Variants in CD59 observed in about 807,000 individuals in gnomAD.
CD59 encodes CD59 molecule (CD59 blood group).
A neutral mutation model predicts 7.0 loss-of-function variants in CD59; 3 were observed. The ratio of observed to expected loss-of-function variants is 0.43; its 90% CI spans 0.19 to 1.10. CD59 has a LOEUF of 1.10. Among genes scored for constraint, CD59 ranks in the 50% least tolerant of loss-of-function variants. CD59 has a pLI of 0.29. For missense variants in CD59, 143 were observed against 151.0 expected (o/e 0.95, Z 0.28); for synonymous variants, 60 against 62.0 (o/e 0.97, Z 0.15).
chr11:33,708,238 A>G lies in CD59; in HGVS notation c.*1888T>C, dbSNP rs1853392404. ...AACCCCAAAGTTTAAGGCCATTTATATGACCCTTGTTGATTTGGACAGCTT... is the reference window on the plus strand; with the variant it reads ...AACCCCAAAGTTTAAGGCCATTTATGTGACCCTTGTTGATTTGGACAGCTT... On this transcript the variant is annotated 3_prime_UTR_variant, in exon 4 of 4. Coordinates refer to ENST00000642928, the MANE Select transcript of CD59 (RefSeq NM_000611.6). 1 of 152,200 alleles carries G rather than the reference A, an allele frequency of 6.6e-6. No homozygotes were observed. The highest frequency in any genetic ancestry group is 1.5e-5 in the Non-Finnish European group (1 of 68,052). The allele number at this position is 152,200 out of a possible 1,614,324, so 9.4% of individuals were successfully genotyped here.
chr11:33,729,957 A>C (rs539276268), intron 1 of CD59, among the ~76,000 whole-genome samples: 3 of 152,250 alleles, frequency 2.0e-5, no homozygotes, highest in Admixed American at 6.5e-5. Flanking sequence ...TTTTTCTGAA[A>C]ATATATTGGA....
At chr11:33,720,485 G>A (rs1854005559) in intron 2 of CD59, among the ~76,000 whole-genome samples, 1 of 152,154 alleles carries the variant, frequency 6.6e-6, no homozygotes, top group Non-Finnish European at 1.5e-5. Context: ...GATCATTTGA[G>A]GTCAGGAATT....
chr11:33,724,752 G>A (rs1440856441), intron 1 of CD59, among the ~76,000 whole-genome samples: 1 of 152,136 alleles, frequency 6.6e-6, no homozygotes, highest in Non-Finnish European at 1.5e-5. Context: ...TGGGATGGTT[G>A]GGGAGTGTCA....
At chr11:33,722,329 G>T in intron 2 of CD59, 50 bp downstream of exon 2, 1 of 1,375,724 alleles carries the variant, frequency 7.3e-7, no homozygotes, top group Non-Finnish European at 1.0e-6. Flanking sequence ...TAAGAAGGGA[G>T]TTCATGGCCA....
In CD59 at chr11:33,704,840, GTTGT is replaced by G. The variant is rs1853245323; in HGVS notation, c.*5282_*5285del. 1 of 152,564 alleles carries G rather than the reference GTTGT, an allele frequency of 6.6e-6. No homozygotes were observed. Among genetic ancestry groups the G allele is most frequent in the South Asian group, 2.1e-4 (1 of 4,830 alleles). 9.5% of individuals were successfully genotyped at this position (152,564 alleles called of 1,614,324 possible). On this transcript the variant is annotated 3_prime_UTR_variant, in exon 4 of 4. Coordinates refer to ENST00000642928, the MANE Select transcript of CD59 (RefSeq NM_000611.6). ...GGCAGGAGGCTGGCTCTGACAGGAGGTTGTTTGTGCCACAATTTAAGGACCAAGC... is the reference window on the plus strand; with the variant it reads ...GGCAGGAGGCTGGCTCTGACAGGAGGTTGTGCCACAATTTAAGGACCAAGC...
rs1478657848 is a variant in CD59, at chr11:33,717,367, T to C, written c.169+3A>G. The C allele has an allele frequency of 6.2e-7, 1 of 1,601,688 alleles. No individual in the cohort carries two copies. Among genetic ancestry groups the C allele is most frequent in the African/African-American group, 1.3e-5 (1 of 74,752 alleles). On this transcript the variant is annotated splice_donor_region_variant and intron_variant, in intron 3 of 3. Coordinates refer to ENST00000642928, the MANE Select transcript of CD59 (RefSeq NM_000611.6). ...TTAGGAGACAGACAGGGGAGGCTCT[T>C]ACCAGCTTTGGTAATGAGACACGCA...
In CD59 at chr11:33,714,970, G is replaced by A. The variant is rs539653115; in HGVS notation, c.169+2400C>T. On this transcript the variant is annotated intron_variant, in intron 3 of 3. Transcript: ENST00000642928. Reference sequence around the variant, plus strand: ...TTTTTTTTTCTTTTGTAGAGACAGAGTCTTGTTCTGTCACCCAGGCTAGAG... The same window carrying A: ...TTTTTTTTTCTTTTGTAGAGACAGAATCTTGTTCTGTCACCCAGGCTAGAG... 6.7e-5 allele frequency among the ~76,000 whole-genome samples: 10 copies of A among 148,552 alleles called. No individual in the cohort carries two copies. In the South Asian group the frequency reaches 1.5e-3, roughly 22 times the overall value.
Position 33,707,731 on chromosome 11 carries a change from G to A in CD59, c.*2395C>T, listed in dbSNP as rs772246504. The A allele has an allele frequency of 2.0e-5, 3 of 152,236 alleles. No homozygotes were observed. The highest frequency in any genetic ancestry group is 4.8e-5 in the African/African-American group (2 of 41,432). The allele number at this position is 152,236 out of a possible 1,614,324, so 9.4% of individuals were successfully genotyped here. A position where few individuals can be genotyped will look rare whatever the true frequency, so the allele number is the denominator to read the frequency against. ...CCTCTTCGTTGATCAGGGTCAGTTG[G>A]AGGATGTAGCTGTCGGCCTGGTAGC... On this transcript the variant is annotated 3_prime_UTR_variant, in exon 4 of 4. Transcript: ENST00000642928.
At chr11:33,735,997 T>C (rs1439813862) in intron 1 of CD59, among the ~76,000 whole-genome samples, 4 of 151,964 alleles carry the variant, frequency 2.6e-5, no homozygotes, top group African/African-American at 9.7e-5. Flanking sequence ...GGAACTGCCG[T>C]GACCACGGAG....
intron 3 of CD59, 125 bp from the exon 4 acceptor site, chr11:33,710,468 C>T: frequency 2.6e-6 from 2 of 771,474 alleles, no homozygotes; most frequent in Non-Finnish European, 4.6e-6. Flanking sequence ...GATGCTCATC[C>T]CAGGTGGGTT....
chr11:33,716,574 C>G (rs58412081), intron 3 of CD59, among the ~76,000 whole-genome samples: 3,401 of 152,318 alleles, frequency 0.022, 142 homozygotes, highest in African/African-American at 0.078. Context: ...GAACCACACC[C>G]CAGCAAGAAC....
chr11:33,727,197 C>T (rs189924030), intron 1 of CD59, among the ~76,000 whole-genome samples: 62 of 152,190 alleles, frequency 4.1e-4, no homozygotes, highest in African/African-American at 1.4e-3. Context: ...ATCTTGACAC[C>T]GAAACCTGGC....
chr11:33,722,216 A>G (rs1250301378), intron 2 of CD59, among the ~76,000 whole-genome samples, 163 bp downstream of exon 2: 1 of 152,216 alleles, frequency 6.6e-6, no homozygotes, highest in Non-Finnish European at 1.5e-5. Flanking sequence ...GGACAAGGTC[A>G]TAACATAGGA....
chr11:33,733,981 T>C (rs1854491749), intron 1 of CD59, among the ~76,000 whole-genome samples: 1 of 152,256 alleles, frequency 6.6e-6, no homozygotes, highest in African/African-American at 2.4e-5. Flanking sequence ...GGGATGAAAT[T>C]ACCTGTCCCA....
At chr11:33,713,669 A>G (rs901894838) in intron 3 of CD59, among the ~76,000 whole-genome samples, 5 of 152,224 alleles carry the variant, frequency 3.3e-5, no homozygotes, top group African/African-American at 7.2e-5. Context: ...AGCTATCAGA[A>G]TTTTAATTAG....
intron 1 of CD59, chr11:33,722,720 A>T: frequency 7.9e-7 from 1 of 1,268,574 alleles, no homozygotes; most frequent in Non-Finnish European, 1.0e-6. Flanking sequence ...AGGGTCAGTG[A>T]GTCAAATGAC....
In CD59 at chr11:33,709,451, T is replaced by A. The variant is rs560083033; in HGVS notation, c.*675A>T. 54 of 157,952 alleles carry A rather than the reference T, an allele frequency of 3.4e-4. No homozygotes were observed. Among genetic ancestry groups the A allele is most frequent in the African/African-American group, 1.2e-3 (50 of 41,600 alleles). The allele number at this position is 157,952 out of a possible 1,614,324, so 9.8% of individuals were successfully genotyped here. A position where few individuals can be genotyped will look rare whatever the true frequency, so the allele number is the denominator to read the frequency against. ...GCAAGGAAATAGCTTTAACACACCATTGATGTATGCTATTACACTTTTCCA... is the reference window on the plus strand; with the variant it reads ...GCAAGGAAATAGCTTTAACACACCAATGATGTATGCTATTACACTTTTCCA... On this transcript the variant is annotated 3_prime_UTR_variant, in exon 4 of 4. Coordinates refer to ENST00000642928, the MANE Select transcript of CD59 (RefSeq NM_000611.6).
At chr11:33,734,430 C>A (rs1854505671) in intron 1 of CD59, among the ~76,000 whole-genome samples, 1 of 152,178 alleles carries the variant, frequency 6.6e-6, no homozygotes, top group Non-Finnish European at 1.5e-5. Context: ...GGTATTAAGC[C>A]CAGCATGCAT....
chr11:33,711,863 T>C (rs949291606), intron 3 of CD59, among the ~76,000 whole-genome samples: 3 of 152,156 alleles, frequency 2.0e-5, no homozygotes, highest in Admixed American at 6.6e-5. Flanking sequence ...AAATAGCAAA[T>C]GTTGCAAGGA....
Sources: gnomAD v4.1 joint callset for allele counts (sites outside exome capture counted in the v4.1 genomes callset) on GRCh38, gnomAD v4.1.1 for gene constraint, MANE v1.5 for transcripts, NCBI Gene and HGNC (gene_info 2026-07-23, HGNC 2026-07-21) for gene names.